CGREF1: variants seen among roughly 807,000 people sequenced by gnomAD.
CGREF1 encodes the protein cell growth regulator with EF-hand domain 1, also known as cell growth regulator with EF hand domain protein 1.
In CGREF1, 16 loss-of-function variants were observed where a neutral mutation model predicts 17.4. That is an observed-to-expected ratio of 0.92 (90% CI 0.62 to 1.40). CGREF1 has a LOEUF of 1.40. CGREF1 is among the 40% of genes most tolerant of loss of function. The probability of loss-of-function intolerance (pLI) is 0.00; values close to 1 mark genes in which losing one functional copy is unlikely to be tolerated. For missense variants in CGREF1, 296 were observed against 376.4 expected, an observed-to-expected ratio of 0.79 and a Z score of 1.77; for synonymous variants, 142 against 154.6, an observed-to-expected ratio of 0.92 and a Z score of 0.61.
chr2:27,103,941 C>T (rs929159384), intron 2 of CGREF1, among the ~76,000 whole-genome samples: 4 of 152,148 alleles, frequency 2.6e-5, no homozygotes, highest in Admixed American at 2.6e-4. Context: ...TGAGATCATG[C>T]CACTGCACTC....
intron 1 of CGREF1, among the ~76,000 whole-genome samples, chr2:27,117,593 A>G (rs1671631740): frequency 6.6e-6 from 1 of 152,192 alleles, no homozygotes; most frequent in Non-Finnish European, 1.5e-5. Flanking sequence ...GCACCAGTGC[A>G]TGGGAGGAGA....
At chr2:27,114,256 G>A (rs1671496250) in intron 1 of CGREF1, among the ~76,000 whole-genome samples, 1 of 152,062 alleles carries the variant, frequency 6.6e-6, no homozygotes, top group Admixed American at 6.5e-5. Flanking sequence ...GCCTCCCAAA[G>A]TGCTGGGATT....
At chr2:27,114,623 G>A (rs1185095404) in intron 1 of CGREF1, among the ~76,000 whole-genome samples, 2 of 152,136 alleles carry the variant, frequency 1.3e-5, no homozygotes, top group Non-Finnish European at 2.9e-5. Flanking sequence ...TTGACACACA[G>A]ATGTGCACCT....
At chr2:27,110,406 T>TAC (rs56066812) in intron 1 of CGREF1, among the ~76,000 whole-genome samples, 50 of 150,856 alleles carry the variant, frequency 3.3e-4, no homozygotes, top group African/African-American at 1.1e-3. Flanking sequence ...TCCAAAAAAA[T>TAC]ACACACACAC....
chr2:27,105,799 G>C (rs746856110), intron 1 of CGREF1, among the ~76,000 whole-genome samples: 4 of 152,150 alleles, frequency 2.6e-5, no homozygotes, highest in Non-Finnish European at 5.9e-5. Flanking sequence ...TGCCCGCCTG[G>C]GCCTCCCAAA....
Position 27,101,888 on chromosome 2 carries a change from C to T in CGREF1, c.343G>A (p.Val115Met). The change falls in exon 6 of 6, where the codon GTG (valine) becomes ATG (methionine). Residue 115 changes from valine to methionine, a missense_variant and splice_region_variant. This residue lies in a region of CGREF1 where 247 missense variants were observed against 267.2 expected (regional missense o/e 0.92). Transcript: ENST00000402394. ...AGCACTTTGTCCACTATCAAGATCA[C>T]CTGTGGAAGCAGAGTCACTGTGGGG... ...GAANSPTTNP[V>M]ILIVDKVLET... is the part of the protein sequence containing the mutation. The T allele has an allele frequency of 6.2e-7, 1 of 1,609,174 alleles. No individual in the cohort carries two copies. Among genetic ancestry groups the T allele is most frequent in the Non-Finnish European group, 8.5e-7 (1 of 1,177,812 alleles).
intron 2 of CGREF1, among the ~76,000 whole-genome samples, chr2:27,103,594 G>A (rs1196974157): frequency 5.3e-5 from 8 of 150,436 alleles, no homozygotes; most frequent in Non-Finnish European, 8.9e-5. Context: ...GGCTGGTCTC[G>A]AACTCCTGAC....
At chr2:27,099,613 C>A (rs755019513), downstream of CGREF1, 14 of 1,613,980 alleles carry the variant, frequency 8.7e-6, no homozygotes, top group Non-Finnish European at 1.2e-5. Flanking sequence ...AGGACTGGGA[C>A]CTGTCCCTGC....
chr2:27,114,388 C>T (rs1294187273), intron 1 of CGREF1, among the ~76,000 whole-genome samples: 2 of 152,182 alleles, frequency 1.3e-5, no homozygotes, highest in Non-Finnish European at 2.9e-5. Context: ...CTCAGATCCA[C>T]TCATCCTCTC....
At chr2:27,106,085 A>C (rs544080508) in intron 1 of CGREF1, among the ~76,000 whole-genome samples, 1 of 152,360 alleles carries the variant, frequency 6.6e-6, no homozygotes, top group Non-Finnish European at 1.5e-5. Context: ...CTCTGTATCA[A>C]CATGAAACCG....
Position 27,101,636 on chromosome 2 carries a change from T to G in CGREF1, c.595A>C (p.Arg199=). ...EEAKGQVEAR[R]ESLDPVQEPG... The stretch of plus-strand genomic sequence containing the variant: ...TCCTGGACAGGATCCAAAGACTCCC[T>G]TCTGGCCTCTACCTGGCCCTTTGCT... Residue 199 remains arginine (R), a synonymous_variant, in exon 6 of 6, where the codon AGG becomes CGG. Transcript: ENST00000402394. The G allele has an allele frequency of 6.2e-7, 1 of 1,614,110 alleles. No homozygotes were observed. The highest frequency in any genetic ancestry group is 8.5e-7 in the Non-Finnish European group (1 of 1,179,994).
At chr2:27,108,871 T>TG (rs1455464174) in intron 1 of CGREF1, among the ~76,000 whole-genome samples, 1 of 151,872 alleles carries the variant, frequency 6.6e-6, no homozygotes, top group Non-Finnish European at 1.5e-5. Context: ...CTGGAACTCC[T>TG]GGCATGATCA....
rs896723783 is a variant in CGREF1, at chr2:27,104,350, A to G, written c.17T>C (p.Met6Thr). The change falls in exon 2 of 6, where the codon ATG becomes ACG. Residue 6 changes from methionine to threonine, a missense_variant. Around this residue, in one of 3 missense-constraint regions of CGREF1, gnomAD observed 247 missense variants for 267.2 expected, o/e 0.92. Coordinates refer to ENST00000402394, the MANE Select transcript of CGREF1 (RefSeq NM_006569.6). Reference protein sequence around the residue: MLPLTMTVLILLLLPT... With the variant: MLPLTTTVLILLLLPT... ...GAGCAGCAGCAGGATTAACACTGTCATCGTCAAAGGTAACATCCTTCCTGG... is the reference window on the plus strand; with the variant it reads ...GAGCAGCAGCAGGATTAACACTGTCGTCGTCAAAGGTAACATCCTTCCTGG... 6.2e-7 allele frequency: 1 copy of G among 1,609,900 alleles called. No individual in the cohort carries two copies. Among genetic ancestry groups the G allele is most frequent in the African/African-American group, 1.3e-5 (1 of 74,990 alleles).
downstream of CGREF1, chr2:27,099,789 A>G: frequency 2.5e-6 from 4 of 1,606,302 alleles, no homozygotes; most frequent in Non-Finnish European, 2.5e-6. Flanking sequence ...GGAGACTACC[A>G]TTGCGGCTGC....
chr2:27,099,815 C>T (rs1383726666), downstream of CGREF1: 9 of 1,581,386 alleles, frequency 5.7e-6, no homozygotes, highest in African/African-American at 1.2e-4. Flanking sequence ...CTTCTCCCCT[C>T]CATCCAGCCT....
chr2:27,103,985 G>GAACA (rs199858794), intron 2 of CGREF1, among the ~76,000 whole-genome samples: 11 of 151,968 alleles, frequency 7.2e-5, no homozygotes, highest in South Asian at 2.1e-4. Context: ...TCTGTCTCAA[G>GAACA]AACAAACAAA....
chr2:27,106,305 T>G (rs1406299937), intron 1 of CGREF1, among the ~76,000 whole-genome samples: 1 of 152,208 alleles, frequency 6.6e-6, no homozygotes, highest in Non-Finnish European at 1.5e-5. Flanking sequence ...GAGCTTGACA[T>G]TAGCTTTTGC....
chr2:27,107,376 T>G (rs558695314), intron 1 of CGREF1, among the ~76,000 whole-genome samples: 2 of 152,068 alleles, frequency 1.3e-5, no homozygotes, highest in Non-Finnish European at 2.9e-5. Flanking sequence ...TGCCTCACCC[T>G]CCTAAGTAGC....
rs1284065635 is a variant in CGREF1, at chr2:27,104,175, C to T, written c.80+112G>A. 5.6e-6 allele frequency: 6 copies of T among 1,069,266 alleles called. No homozygotes were observed. In the East Asian group the frequency reaches 7.8e-5, roughly 14 times the overall value. The allele number at this position is 1,069,266 out of a possible 1,614,324, so 66.2% of individuals were successfully genotyped here. On this transcript the variant is annotated intron_variant, in intron 2 of 5. Transcript: ENST00000402394. The stretch of plus-strand genomic sequence containing the variant: ...GCTGATGGCAGGGAGATACAGAGAT[C>T]GGGGAACCTACACCCCAGTCTCCTG...
Sources: gnomAD v4.1 joint callset for allele counts (sites outside exome capture counted in the v4.1 genomes callset) on GRCh38, gnomAD v4.1.1 for gene constraint, gnomAD v4.1.1 regional missense constraint, MANE v1.5 for transcripts, NCBI Gene and HGNC (gene_info 2026-07-23, HGNC 2026-07-21) for gene names.